Variants in VPS13B observed in about 807,000 individuals in gnomAD.
The protein encoded by VPS13B is intermembrane lipid transfer protein VPS13B.
VPS13B carries 285 observed loss-of-function variants against 426.4 expected under a neutral mutation model. The observed-to-expected ratio is 0.67, with a 90% CI of 0.61 to 0.74. The LOEUF (loss-of-function observed/expected upper bound fraction) is 0.74, where lower values mean the gene tolerates loss of function less well. Ranked by LOEUF, VPS13B falls within the 30% of genes least tolerant of loss-of-function variation. VPS13B has a pLI of 0.00. For missense variants in VPS13B, 4,537 were observed against 4,782.6 expected (o/e 0.95, Z 1.51); for synonymous variants, 1,676 against 1,676.4 (o/e 1.00, Z 0.01).
intron 3 of VPS13B, among the ~76,000 whole-genome samples, chr8:99,044,654 C>T (rs1843126833): frequency 1.3e-5 from 2 of 152,020 alleles, no homozygotes; most frequent in South Asian, 2.1e-4. Flanking sequence ...CTCTTTCCCC[C>T]AAGTCCCCAA....
At chr8:99,594,374 G>A (rs376789223) in intron 33 of VPS13B, among the ~76,000 whole-genome samples, 64 of 152,006 alleles carry the variant, frequency 4.2e-4, no homozygotes, top group African/African-American at 1.4e-3. Context: ...TGGGGTTGTT[G>A]TAGAGATTAA....
At chr8:99,029,183 G>A (rs1225401839) in intron 2 of VPS13B, among the ~76,000 whole-genome samples, 1 of 150,256 alleles carries the variant, frequency 6.7e-6, no homozygotes, top group Non-Finnish European at 1.5e-5. Context: ...GACGATGGGC[G>A]GCCGGGCAGA....
intron 23 of VPS13B, among the ~76,000 whole-genome samples, chr8:99,448,517 C>T (rs890370437): frequency 3.9e-5 from 6 of 152,020 alleles, no homozygotes; most frequent in African/African-American, 9.7e-5. Context: ...TTGATGCATA[C>T]GTGTTAAAAG....
At chr8:99,074,093 G>T (rs1471533865) in intron 3 of VPS13B, among the ~76,000 whole-genome samples, 1 of 152,108 alleles carries the variant, frequency 6.6e-6, no homozygotes, top group African/African-American at 2.4e-5. Flanking sequence ...GATAGCTCTG[G>T]CTGGGACCTT....
chr8:99,772,317 G>C (rs1811541694), intron 40 of VPS13B, among the ~76,000 whole-genome samples: 1 of 151,816 alleles, frequency 6.6e-6, no homozygotes, highest in Non-Finnish European at 1.5e-5. Context: ...GAAATAGCTG[G>C]TTACAACTGG....
rs546136140 is a variant in VPS13B at position 99,131,656 on chromosome 8, ATTG to A, written c.1207-2973_1207-2971del. Among the ~76,000 whole-genome samples, 859 of 152,254 alleles carry A rather than the reference ATTG, an allele frequency of 5.6e-3. 4 individuals carry two copies. The highest frequency in any genetic ancestry group is 0.01 in the Non-Finnish European group (699 of 67,994). ...TATATACCTTAATTAAAAATACTTT[ATTG>A]TTAAAAAATGCTAACAATCATCTAC... On this transcript the variant is annotated intron_variant, in intron 8 of 61. Coordinates refer to ENST00000357162, the MANE Select transcript of VPS13B (RefSeq NM_152564.5).
rs187967857 is a variant in VPS13B, at chr8:99,059,859, A to G, written c.291+21293A>G. ...GCAATTCTCCTGCCTCAGCCTCCCA[A>G]GTAGCTGAGATTACAGGTGTGCGCC... On this transcript the variant is annotated intron_variant, in intron 3 of 61. Transcript: ENST00000357162. Among the ~76,000 whole-genome samples the G allele has an allele frequency of 7.2e-4, 109 of 151,038 alleles. 1 individual carries two copies. The highest frequency in any genetic ancestry group is 3.4e-3 in the Middle Eastern group (1 of 294).
chr8:99,148,723 T>TA (rs373048156), intron 14 of VPS13B, among the ~76,000 whole-genome samples: 94 of 152,314 alleles, frequency 6.2e-4, no homozygotes, highest in African/African-American at 2.1e-3. Flanking sequence ...ATTACTTACA[T>TA]AGACAGCAGA....
At chr8:99,363,668 G>A (rs141194144) in intron 19 of VPS13B, among the ~76,000 whole-genome samples, 9 of 151,998 alleles carry the variant, frequency 5.9e-5, no homozygotes, top group African/African-American at 1.4e-4. Context: ...TATAGTTTTC[G>A]TTGTAGAGGT....
chr8:99,354,390 G>T (rs1462923462), intron 19 of VPS13B, among the ~76,000 whole-genome samples: 1 of 144,350 alleles, frequency 6.9e-6, no homozygotes, highest in Admixed American at 7.2e-5. Flanking sequence ...ACTAAAATTT[G>T]CTGTTTCATC....
intron 54 of VPS13B, among the ~76,000 whole-genome samples, chr8:99,837,817 CCTT>C (rs1815473354): frequency 1.3e-5 from 2 of 152,174 alleles, no homozygotes; most frequent in Admixed American, 1.3e-4. Context: ...AAGGAGCAGT[CCTT>C]CTGGAGGAGG....
chr8:99,792,617 T>C (rs1812606230), intron 43 of VPS13B, among the ~76,000 whole-genome samples: 1 of 152,120 alleles, frequency 6.6e-6, no homozygotes, highest in Non-Finnish European at 1.5e-5. Flanking sequence ...GTGGGAGGCC[T>C]CCAGAACCGG....
At chr8:99,711,646 T>C (rs535487360) in intron 36 of VPS13B, among the ~76,000 whole-genome samples, 1 of 152,326 alleles carries the variant, frequency 6.6e-6, no homozygotes, top group East Asian at 1.9e-4. Flanking sequence ...GTTTGTATGA[T>C]AGCAGGGAAG....
Position 99,568,049 on chromosome 8 carries a change from T to C in VPS13B, c.4950-7609T>C, listed in dbSNP as rs114933488. On this transcript the variant is annotated intron_variant, in intron 31 of 61. Coordinates refer to ENST00000357162, the MANE Select transcript of VPS13B (RefSeq NM_152564.5). ...TGGAGTGTTTCTGCTGAGAGTGTTTTAGGAAGAGCAAAGACACTCGAGTAG... is the reference window on the plus strand; with the variant it reads ...TGGAGTGTTTCTGCTGAGAGTGTTTCAGGAAGAGCAAAGACACTCGAGTAG... 8.4e-3 allele frequency among the ~76,000 whole-genome samples: 1,280 copies of C among 152,232 alleles called. 19 individuals are homozygous for C. The highest frequency in any genetic ancestry group is 0.029 in the African/African-American group (1,203 of 41,544).
At chr8:99,707,571 A>T (rs1307754589) in intron 36 of VPS13B, among the ~76,000 whole-genome samples, 1 of 152,184 alleles carries the variant, frequency 6.6e-6, no homozygotes, top group African/African-American at 2.4e-5. Flanking sequence ...TAGATAACTA[A>T]CTATACCAAC....
intron 31 of VPS13B, among the ~76,000 whole-genome samples, chr8:99,559,474 C>A (rs921261067): frequency 1.3e-5 from 2 of 152,244 alleles, no homozygotes; most frequent in Admixed American, 1.3e-4. Flanking sequence ...GTCATGAAGT[C>A]CTTGCCCATG....
At chr8:99,686,969 C>T (rs1563863007) in intron 35 of VPS13B, among the ~76,000 whole-genome samples, 1 of 152,014 alleles carries the variant, frequency 6.6e-6, no homozygotes, top group Non-Finnish European at 1.5e-5. Context: ...TGCTGGGTCA[C>T]AGCTCAAACC....
intron 30 of VPS13B, among the ~76,000 whole-genome samples, chr8:99,525,056 A>G (rs1340759885): frequency 6.6e-6 from 1 of 152,206 alleles, no homozygotes; most frequent in Non-Finnish European, 1.5e-5. Flanking sequence ...TCAATCTGAA[A>G]GAAAAAGACA....
chr8:99,530,660 G>GT (rs1402082579), intron 30 of VPS13B, among the ~76,000 whole-genome samples: 9 of 151,756 alleles, frequency 5.9e-5, no homozygotes, highest in Non-Finnish European at 8.8e-5. Flanking sequence ...AGCAGCAGCA[G>GT]TAATAGCTAA....
Sources: gnomAD v4.1 joint callset for allele counts (sites outside exome capture counted in the v4.1 genomes callset) on GRCh38, gnomAD v4.1.1 for gene constraint, MANE v1.5 for transcripts, NCBI Gene and HGNC (gene_info 2026-07-23, HGNC 2026-07-21) for gene names.